WDR93: variants seen among roughly 807,000 people sequenced by gnomAD.
WDR93 encodes WD repeat domain 93.
WDR93 carries 73 observed loss-of-function variants against 82.9 expected under a neutral mutation model. That is an observed-to-expected ratio of 0.88 (90% CI 0.73 to 1.07). WDR93 has a LOEUF of 1.07. WDR93 is among the 50% of genes least tolerant of loss of function. The pLI is 0.00. For missense variants in WDR93, 738 were observed against 826.0 expected (o/e 0.89, Z 1.31); for synonymous variants, 283 against 300.1 (o/e 0.94, Z 0.59).
rs767559950 is a variant in WDR93, at chr15:89,733,079, G to A, written c.1404G>A (p.Ser468=). The change falls in exon 13 of 17, where the codon TCG becomes TCA. Residue 468 remains serine, a synonymous_variant. Coordinates refer to ENST00000268130, the MANE Select transcript of WDR93 (RefSeq NM_020212.2). ...GCATTCACTTCCTAAAATATTTCTC[G>A]GTCCACAAAGGACAGAATATGTATC... is the stretch of plus-strand genomic sequence containing the variant. ...CQSIHFLKYF[S]VHKGQNMYPE... is the part of the protein sequence containing the mutation. 3.2e-5 allele frequency: 52 copies of A among 1,613,912 alleles called. No individual in the cohort carries two copies. The East Asian group carries it at 7.8e-4, about 24-fold the overall frequency.
intron 4 of WDR93, 113 bp from the exon 5 acceptor site, chr15:89,711,913 T>C (rs1965996620): frequency 4.8e-6 from 3 of 626,460 alleles, no homozygotes; most frequent in Non-Finnish European, 7.7e-6. Flanking sequence ...CATCTTTTCA[T>C]GTCCCAAGGT....
intron 1 of WDR93, among the ~76,000 whole-genome samples, chr15:89,693,096 T>A (rs1964983882): frequency 1.3e-5 from 2 of 152,370 alleles, no homozygotes; most frequent in South Asian, 4.1e-4. Context: ...TTATAATTCA[T>A]TATCCATTCA....
At chr15:89,729,936 GTC>G (rs1385337400) in intron 11 of WDR93, among the ~76,000 whole-genome samples, 167 bp downstream of exon 11, 1 of 152,186 alleles carries the variant, frequency 6.6e-6, no homozygotes, top group African/African-American at 2.4e-5. Context: ...GCAAGAATCT[GTC>G]TCTGAAATGT....
At chr15:89,725,075 C>CAGGGG (rs1966680517) in intron 8 of WDR93, among the ~76,000 whole-genome samples, 1 of 151,962 alleles carries the variant, frequency 6.6e-6, no homozygotes, top group Non-Finnish European at 1.5e-5. Flanking sequence ...AGTTAGTCAC[C>CAGGGG]CTACTTCTAG....
chr15:89,712,605 G>A (rs1163367494), intron 5 of WDR93, among the ~76,000 whole-genome samples: 3 of 151,912 alleles, frequency 2.0e-5, no homozygotes. Flanking sequence ...TTCAACTGGG[G>A]TTAAGGATTT....
intron 1 of WDR93, among the ~76,000 whole-genome samples, chr15:89,697,128 T>C (rs953266721): frequency 6.6e-6 from 1 of 152,078 alleles, no homozygotes. Context: ...CAGTGGTTTT[T>C]TAAAATTCCT....
chr15:89,711,631 A>C (rs1965984557), intron 4 of WDR93, among the ~76,000 whole-genome samples: 1 of 152,104 alleles, frequency 6.6e-6, no homozygotes, highest in South Asian at 2.1e-4. Context: ...TCTCTACCAT[A>C]GTCTAAATAG....
rs1332268025 is a variant in WDR93 at position 89,731,493 on chromosome 15, A to G, written c.1261A>G (p.Ser421Gly). Residue 421 changes from serine (S) to glycine (G), a missense_variant, in exon 12 of 17, where the codon AGC becomes GGC. By Grantham distance (56) the Ser-to-Gly change is moderately conservative (BLOSUM62 0). Transcript: ENST00000268130. Reference protein sequence around the residue: ...CAAPIAVSQLSCSSSYLVLAC... With the variant: ...CAAPIAVSQLGCSSSYLVLAC... Reference sequence around the variant, plus strand: ...TGCGCCCATTGCAGTCTCTCAGCTCAGCTGCTCCTCCTCCTACCTGGTGCT... The same window carrying G: ...TGCGCCCATTGCAGTCTCTCAGCTCGGCTGCTCCTCCTCCTACCTGGTGCT... 3.1e-6 allele frequency: 5 copies of G among 1,614,064 alleles called. No individual in the cohort carries two copies. In the Admixed American group the frequency reaches 8.3e-5, roughly 27 times the overall value.
Position 89,727,298 on chromosome 15 carries a change from T to C in WDR93, c.1022T>C (p.Leu341Pro), listed in dbSNP as rs761944603. The C allele has an allele frequency of 6.2e-7, 1 of 1,614,014 alleles. No individual in the cohort carries two copies. The highest frequency in any genetic ancestry group is 1.1e-5 in the South Asian group (1 of 91,074). The change falls in exon 9 of 17, where the codon CTA becomes CCA. Residue 341 changes from leucine (L) to proline (P), a missense_variant. Physicochemically the swap from Leu to Pro is moderately conservative, Grantham distance 98. Coordinates refer to ENST00000268130, the MANE Select transcript of WDR93 (RefSeq NM_020212.2). The part of the protein sequence containing the change: ...EIFNASYKKY[L>P]DREWEEEPLS... Reference sequence around the variant, plus strand: ...TTCAACGCTTCCTACAAGAAGTACCTAGATAGGGAGTGGGAGGAAGAGCCA... The same window carrying C: ...TTCAACGCTTCCTACAAGAAGTACCCAGATAGGGAGTGGGAGGAAGAGCCA...
chr15:89,731,991 T>G (rs1177235205), intron 12 of WDR93, among the ~76,000 whole-genome samples: 6 of 152,172 alleles, frequency 3.9e-5, no homozygotes, highest in Non-Finnish European at 8.8e-5. Context: ...TCTATTGTAT[T>G]AGAGCTAAGA....
At chr15:89,718,202 G>A (rs1196349245) in intron 7 of WDR93, among the ~76,000 whole-genome samples, 3 of 152,144 alleles carry the variant, frequency 2.0e-5, no homozygotes, top group African/African-American at 7.2e-5. Flanking sequence ...ATGGCCGGGT[G>A]CAGTGGCTCA....
intron 13 of WDR93, 49 bp from the exon 14 acceptor site, chr15:89,735,441 T>C (rs368969928): frequency 1.1e-4 from 176 of 1,594,206 alleles, no homozygotes; most frequent in Non-Finnish European, 1.3e-4. Flanking sequence ...ATATCAAAAC[T>C]TTTAAACTCT....
chr15:89,693,329 G>A (rs72752537), intron 1 of WDR93, among the ~76,000 whole-genome samples: 27,081 of 152,158 alleles, frequency 0.18, 2,579 homozygotes, highest in Middle Eastern at 0.23. Context: ...CTGACAATGC[G>A]TGAGAGCTTA....
At chr15:89,740,986 A>G (rs1271682234) in intron 16 of WDR93, among the ~76,000 whole-genome samples, 1 of 151,948 alleles carries the variant, frequency 6.6e-6, no homozygotes, top group Non-Finnish European at 1.5e-5. Context: ...CTAAAAGTAC[A>G]AAAATTAACC....
intron 5 of WDR93, among the ~76,000 whole-genome samples, chr15:89,713,039 G>A (rs921862678): frequency 7.3e-5 from 11 of 150,898 alleles, no homozygotes; most frequent in Admixed American, 1.3e-4. Context: ...CAGGAAAATC[G>A]CTTGAACCTG....
At chr15:89,707,674 A>G (rs1343180467) in intron 4 of WDR93, among the ~76,000 whole-genome samples, 1 of 152,242 alleles carries the variant, frequency 6.6e-6, no homozygotes, top group African/African-American at 2.4e-5. Flanking sequence ...GATATGCAAC[A>G]ATTGGAACTC....
intron 4 of WDR93, among the ~76,000 whole-genome samples, chr15:89,709,143 CAG>C (rs1965850643): frequency 1.3e-5 from 2 of 152,170 alleles, no homozygotes; most frequent in Non-Finnish European, 1.5e-5. Context: ...TCACCAAAGA[CAG>C]AGAGGTCAGC....
rs60829285 is a variant in WDR93, at chr15:89,723,199, CATAAATAA to C, written c.880+1095_880+1102del. Reference sequence around the variant, plus strand: ...CTGGGAGATGGGAGTGAAACCGCGTCATAAATAAATAAATAAATAAATAAATAAATAAA... The same window carrying C: ...CTGGGAGATGGGAGTGAAACCGCGTCATAAATAAATAAATAAATAAATAAA... On this transcript the variant is annotated intron_variant, in intron 8 of 16. Coordinates refer to ENST00000268130, the MANE Select transcript of WDR93 (RefSeq NM_020212.2). Among the ~76,000 whole-genome samples the C allele has an allele frequency of 5.2e-3, 752 of 143,662 alleles. 5 individuals are homozygous for C. Among genetic ancestry groups the C allele is most frequent in the African/African-American group, 0.016 (614 of 37,990 alleles). The allele number at this position is 143,662 out of a possible 152,430, so 94.2% of individuals were successfully genotyped here.
At chr15:89,701,582 A>G (rs1397696448) in intron 1 of WDR93, 125 bp from the exon 2 acceptor site, 1 of 791,342 alleles carries the variant, frequency 1.3e-6, no homozygotes, top group East Asian at 2.5e-5. Flanking sequence ...TCCTCTGGTA[A>G]TTAAGGAAAA....
Sources: allele counts gnomAD v4.1 joint callset (sites outside exome capture counted in the v4.1 genomes callset), GRCh38; gene constraint gnomAD v4.1.1; transcripts MANE v1.5; gene names NCBI Gene and HGNC (gene_info 2026-07-23, HGNC 2026-07-21).